TRPM3: variants seen among roughly 807,000 people sequenced by gnomAD.
TRPM3 encodes long transient receptor potential channel 3.
TRPM3 carries 77 observed loss-of-function variants against 181.2 expected under a neutral mutation model. That is an observed-to-expected ratio of 0.42 (90% CI 0.35 to 0.51). The LOEUF (loss-of-function observed/expected upper bound fraction) is 0.51, where lower values mean the gene tolerates loss of function less well. Among genes scored for constraint, TRPM3 ranks in the 20% least tolerant of loss-of-function variants. The pLI is 0.01. For synonymous variants in TRPM3, 745 were observed against 796.4 expected (o/e 0.94, Z 1.09); for missense variants, 1,759 against 2,196.7 (o/e 0.80, Z 3.98).
intron 1 of TRPM3, among the ~76,000 whole-genome samples, chr9:70,967,433 C>T (rs1027894649): frequency 6.6e-5 from 10 of 151,878 alleles, no homozygotes; most frequent in African/African-American, 2.4e-4. Flanking sequence ...AGAAAAAGCC[C>T]ATGCATACAG....
At chr9:70,989,189 G>A (rs2097452183) in intron 1 of TRPM3, among the ~76,000 whole-genome samples, 2 of 151,894 alleles carry the variant, frequency 1.3e-5, no homozygotes, top group South Asian at 4.2e-4. Context: ...TTAAAAAGAT[G>A]ATATTCTTTG....
At chr9:71,400,907 A>G (rs2131378476) in intron 1 of TRPM3, among the ~76,000 whole-genome samples, 1 of 152,202 alleles carries the variant, frequency 6.6e-6, no homozygotes, top group South Asian at 2.1e-4. Context: ...ACATTTATTA[A>G]GAATCAATTA....
intron 1 of TRPM3, among the ~76,000 whole-genome samples, chr9:71,314,909 G>C (rs2039258520): frequency 6.6e-6 from 1 of 151,698 alleles, no homozygotes; most frequent in Admixed American, 6.6e-5. Flanking sequence ...CAGCGTGGAA[G>C]AGATAAGAAA....
At chr9:70,680,819 GA>G (rs146412947) in intron 9 of TRPM3, among the ~76,000 whole-genome samples, 1 of 152,310 alleles carries the variant, frequency 6.6e-6, no homozygotes, top group Non-Finnish European at 1.5e-5. Flanking sequence ...TAAAGCACAG[GA>G]AGGATTGGAT....
intron 9 of TRPM3, among the ~76,000 whole-genome samples, chr9:70,678,920 A>T (rs1934473): frequency 0.66 from 99,881 of 152,162 alleles, 33,205 homozygotes; most frequent in African/African-American, 0.76. Context: ...TGGGTCAGCA[A>T]CTGAGAGCAT....
chr9:70,827,319 C>T (rs2093615289), intron 6 of TRPM3: 1 of 151,770 alleles, frequency 6.6e-6, no homozygotes, highest in Non-Finnish European at 1.5e-5. Flanking sequence ...TAAATAGAAA[C>T]ATTGTCTCTT....
intron 8 of TRPM3, among the ~76,000 whole-genome samples, chr9:70,691,306 T>C (rs1162074809): frequency 1.3e-5 from 2 of 152,218 alleles, no homozygotes; most frequent in Admixed American, 6.5e-5. Flanking sequence ...AAGACTTTCA[T>C]GTATGAATTT....
At chr9:70,652,480 A>G (rs78353159) in intron 9 of TRPM3, among the ~76,000 whole-genome samples, 2 of 152,138 alleles carry the variant, frequency 1.3e-5, no homozygotes, top group East Asian at 3.8e-4. Context: ...AAGACAAAGG[A>G]GTGGTCAGAA....
At chr9:71,188,237 G>C (rs759464849) in intron 1 of TRPM3, among the ~76,000 whole-genome samples, 2 of 151,846 alleles carry the variant, frequency 1.3e-5, no homozygotes, top group Non-Finnish European at 2.9e-5. Flanking sequence ...TTCTGGCAGT[G>C]CTGTGTTAGA....
At chr9:70,687,279 T>A (rs1418892793) in intron 8 of TRPM3, among the ~76,000 whole-genome samples, 3 of 152,190 alleles carry the variant, frequency 2.0e-5, no homozygotes, top group African/African-American at 7.2e-5. Context: ...GGAAGGGAGA[T>A]AGGCATATAT....
At chr9:70,608,858 T>C (rs1011592132) in intron 19 of TRPM3, among the ~76,000 whole-genome samples, 2 of 152,064 alleles carry the variant, frequency 1.3e-5, no homozygotes, top group East Asian at 3.9e-4. Context: ...ATAAATATTA[T>C]CTTGATAAAA....
At chr9:70,772,583 G>A (rs575106686) in intron 7 of TRPM3, among the ~76,000 whole-genome samples, 2 of 152,222 alleles carry the variant, frequency 1.3e-5, no homozygotes, top group South Asian at 4.1e-4. Context: ...TCGGCATCCC[G>A]ATGTGCTAGG....
chr9:71,300,700 G>A (rs2086689040), intron 1 of TRPM3, among the ~76,000 whole-genome samples: 1 of 152,030 alleles, frequency 6.6e-6, no homozygotes, highest in Non-Finnish European at 1.5e-5. Flanking sequence ...TGATGTAAAA[G>A]TTTGCTAATA....
chr9:70,745,193 T>A (rs62543770), intron 8 of TRPM3, among the ~76,000 whole-genome samples: 7,280 of 152,222 alleles, frequency 0.048, 230 homozygotes, highest in South Asian at 0.11. Flanking sequence ...ATTGGTATTA[T>A]TATTATCTAA....
At chr9:71,252,028 T>C (rs1369598895) in intron 1 of TRPM3, among the ~76,000 whole-genome samples, 2 of 152,182 alleles carry the variant, frequency 1.3e-5, no homozygotes, top group Non-Finnish European at 2.9e-5. Flanking sequence ...TTGCCAATGA[T>C]AAGATCTCAT....
At chr9:71,304,138 A>G (rs2087039070) in intron 1 of TRPM3, among the ~76,000 whole-genome samples, 1 of 152,248 alleles carries the variant, frequency 6.6e-6, no homozygotes, top group Non-Finnish European at 1.5e-5. Flanking sequence ...AATTGATGCA[A>G]CAAATTGAAC....
chr9:71,414,322 T>C (rs200136198), intron 1 of TRPM3, among the ~76,000 whole-genome samples: 9 of 148,512 alleles, frequency 6.1e-5, no homozygotes, highest in South Asian at 2.1e-4. Context: ...CAGTTCATCA[T>C]AACAATAATA....
intron 1 of TRPM3, among the ~76,000 whole-genome samples, chr9:71,025,708 T>C (rs1048318585): frequency 1.3e-5 from 2 of 152,192 alleles, no homozygotes; most frequent in African/African-American, 2.4e-5. Context: ...TTTGGGTTTT[T>C]TTCCTGCTTC....
chr9:70,610,835 A>G, intron 18 of TRPM3, 86 bp from the exon 19 acceptor site: 2 of 1,516,768 alleles, frequency 1.3e-6, no homozygotes, highest in Admixed American at 1.9e-5. Flanking sequence ...TGAGGAAAGG[A>G]TGCTCATAGA....
Sources: allele counts gnomAD v4.1 joint callset (sites outside exome capture counted in the v4.1 genomes callset), GRCh38; gene constraint gnomAD v4.1.1; transcripts MANE v1.5; gene names NCBI Gene and HGNC (gene_info 2026-07-23, HGNC 2026-07-21).